Variants in BTBD9 observed in about 807,000 individuals in gnomAD.
BTBD9 encodes the protein BTB/POZ domain-containing protein 9.
BTBD9 carries 49 observed loss-of-function variants against 64.3 expected under a neutral mutation model. The ratio of observed to expected loss-of-function variants is 0.76; its 90% CI spans 0.61 to 0.97. The LOEUF (loss-of-function observed/expected upper bound fraction) is 0.97, where lower values mean the gene tolerates loss of function less well. BTBD9 is among the 50% of genes least tolerant of loss of function. The probability of loss-of-function intolerance (pLI) is 0.00; values close to 1 mark genes in which losing one functional copy is unlikely to be tolerated. For missense variants in BTBD9, 598 were observed against 762.1 expected (o/e 0.78, Z 2.53); for synonymous variants, 260 against 274.7 (o/e 0.95, Z 0.53).
chr6:38,608,785 G>A (rs1367558909), intron 1 of BTBD9, among the ~76,000 whole-genome samples: 1 of 152,100 alleles, frequency 6.6e-6, no homozygotes, highest in Non-Finnish European at 1.5e-5. Context: ...GTTTATTTGT[G>A]CCATTCTAGA....
At chr6:38,469,164 A>G (rs1006278338) in intron 6 of BTBD9, among the ~76,000 whole-genome samples, 1 of 152,004 alleles carries the variant, frequency 6.6e-6, no homozygotes, top group African/African-American at 2.4e-5. Context: ...AAAGCAGTGG[A>G]TGGCCTACCT....
chr6:38,588,506 A>T, intron 4 of BTBD9: 1 of 824,176 alleles, frequency 1.2e-6, no homozygotes, highest in Non-Finnish European at 1.9e-6. Context: ...GGGCTATACC[A>T]AACCTGGACC....
chr6:38,341,108 C>T (rs1282829083), intron 7 of BTBD9, among the ~76,000 whole-genome samples: 1 of 152,068 alleles, frequency 6.6e-6, no homozygotes, highest in Non-Finnish European at 1.5e-5. Flanking sequence ...TAGAAGAGAA[C>T]ATATAGATTT....
chr6:38,344,042 G>T (rs979755810), intron 7 of BTBD9, among the ~76,000 whole-genome samples: 4 of 152,208 alleles, frequency 2.6e-5, no homozygotes, highest in African/African-American at 9.6e-5. Context: ...TAAAGGTACA[G>T]AATTCTGTTT....
At chr6:38,294,676 T>C (rs543684807) in intron 7 of BTBD9, among the ~76,000 whole-genome samples, 3 of 152,156 alleles carry the variant, frequency 2.0e-5, no homozygotes, top group African/African-American at 7.2e-5. Flanking sequence ...AGGAGAGGGA[T>C]AGCATTACGA....
At chr6:38,436,908 T>C (rs907687298) in intron 6 of BTBD9, among the ~76,000 whole-genome samples, 6 of 152,238 alleles carry the variant, frequency 3.9e-5, no homozygotes, top group Non-Finnish European at 7.3e-5. Flanking sequence ...TCTACAACGA[T>C]GATGATAGTT....
chr6:38,309,902 T>C (rs1052281589), intron 7 of BTBD9, among the ~76,000 whole-genome samples: 3 of 152,090 alleles, frequency 2.0e-5, no homozygotes, highest in African/African-American at 7.2e-5. Context: ...TGGAGCTGGG[T>C]ATGCTATAGA....
chr6:38,595,281 A>G (rs923143967), intron 2 of BTBD9, among the ~76,000 whole-genome samples: 2 of 152,222 alleles, frequency 1.3e-5, no homozygotes, highest in Non-Finnish European at 2.9e-5. Flanking sequence ...GATGGCTGGG[A>G]GACAAAGACT....
intron 6 of BTBD9, chr6:38,504,455 C>A: frequency 7.2e-6 from 3 of 417,176 alleles, no homozygotes; most frequent in South Asian, 5.3e-5. Flanking sequence ...TATGAAAGTC[C>A]AATCCCTCTA....
chr6:38,221,981 C>T (rs1170444761), intron 9 of BTBD9, among the ~76,000 whole-genome samples: 1 of 151,880 alleles, frequency 6.6e-6, no homozygotes, highest in Non-Finnish European at 1.5e-5. Context: ...CAGAGAGAGA[C>T]TCTGTCTCGA....
intron 6 of BTBD9, among the ~76,000 whole-genome samples, chr6:38,395,057 G>C (rs1029508669): frequency 5.9e-5 from 9 of 152,184 alleles, no homozygotes; most frequent in Non-Finnish European, 1.0e-4. Context: ...CCAATGGACA[G>C]AATTAGGAGG....
chr6:38,547,101 G>C (rs9462442), intron 6 of BTBD9, among the ~76,000 whole-genome samples: 11,498 of 152,054 alleles, frequency 0.076, 1,044 homozygotes, highest in East Asian at 0.23. Flanking sequence ...CCATCAACTG[G>C]CTGTTCCCCC....
chr6:38,471,578 T>C (rs1770654451), intron 6 of BTBD9, among the ~76,000 whole-genome samples: 3 of 152,012 alleles, frequency 2.0e-5, no homozygotes, highest in African/African-American at 7.3e-5. Flanking sequence ...CAGGGATGAG[T>C]TCTCACTATG....
chr6:38,560,246 T>G (rs1025638487), intron 6 of BTBD9, among the ~76,000 whole-genome samples: 2 of 152,062 alleles, frequency 1.3e-5, no homozygotes, highest in African/African-American at 4.8e-5. Flanking sequence ...CATTAAAAAG[T>G]GGGCAAAGGA....
At chr6:38,309,109 C>T (rs1762734423) in intron 7 of BTBD9, among the ~76,000 whole-genome samples, 1 of 151,782 alleles carries the variant, frequency 6.6e-6, no homozygotes, top group Admixed American at 6.6e-5. Context: ...GTGGCTCATG[C>T]CTGTAATCCC....
rs1397854180 is a variant in BTBD9, at chr6:38,170,122, C to T, written c.*4863G>A. On this transcript the variant is annotated 3_prime_UTR_variant, in exon 11 of 11. Transcript: ENST00000481247. ...CAGAGCCAGATGAAGGGCACCTGGCCCCTTCCGCGAGGTTGGAGCATTATG... is the reference window on the plus strand; with the variant it reads ...CAGAGCCAGATGAAGGGCACCTGGCTCCTTCCGCGAGGTTGGAGCATTATG... The T allele has an allele frequency of 1.3e-5, 2 of 152,234 alleles. No homozygotes were observed. The highest frequency in any genetic ancestry group is 4.8e-5 in the African/African-American group (2 of 41,438). 9.4% of individuals were successfully genotyped at this position (152,234 alleles called of 1,614,324 possible).
At chr6:38,344,242 C>T (rs1471849882) in intron 7 of BTBD9, among the ~76,000 whole-genome samples, 1 of 152,064 alleles carries the variant, frequency 6.6e-6, no homozygotes, top group Non-Finnish European at 1.5e-5. Flanking sequence ...GGCAAAGCCA[C>T]TCATGGTATC....
At chr6:38,291,735 C>T (rs1761966632) in intron 7 of BTBD9, among the ~76,000 whole-genome samples, 1 of 152,026 alleles carries the variant, frequency 6.6e-6, no homozygotes, top group Non-Finnish European at 1.5e-5. Context: ...GCCTTTTCTG[C>T]GTCTATTGAG....
chr6:38,381,753 T>C (rs537521196), intron 6 of BTBD9, among the ~76,000 whole-genome samples: 62 of 152,126 alleles, frequency 4.1e-4, no homozygotes, highest in African/African-American at 1.4e-3. Flanking sequence ...TCACAATCAA[T>C]CAACTGGAAA....
Sources: gnomAD v4.1 joint callset for allele counts (sites outside exome capture counted in the v4.1 genomes callset) on GRCh38, gnomAD v4.1.1 for gene constraint, MANE v1.5 for transcripts, NCBI Gene and HGNC (gene_info 2026-07-23, HGNC 2026-07-21) for gene names.